The following MAGI1 variants were observed in gnomAD, a reference collection of about 807,000 sequenced individuals.
MAGI1 encodes the protein membrane associated guanylate kinase, WW and PDZ domain containing 1.
A neutral mutation model predicts 139.9 loss-of-function variants in MAGI1; 58 were observed. The observed-to-expected ratio is 0.41, with a 90% CI of 0.34 to 0.52. MAGI1 has a LOEUF of 0.52. MAGI1 is among the 20% of genes least tolerant of loss of function. The probability of loss-of-function intolerance (pLI) is 0.12; values close to 1 mark genes in which losing one functional copy is unlikely to be tolerated. For synonymous variants in MAGI1, 812 were observed against 737.9 expected (o/e 1.10, Z -1.63); for missense variants, 1,874 against 1,901.6 (o/e 0.99, Z 0.27).
chr3:65,820,166 A>AG (rs1175920503), intron 1 of MAGI1, among the ~76,000 whole-genome samples: 2 of 152,206 alleles, frequency 1.3e-5, no homozygotes, highest in African/African-American at 2.4e-5. Context: ...TTTCAAAGTG[A>AG]GAAAAAAAAA....
At chr3:65,723,384 T>TCC (rs1245519777) in intron 1 of MAGI1, among the ~76,000 whole-genome samples, 1 of 152,148 alleles carries the variant, frequency 6.6e-6, no homozygotes, top group African/African-American at 2.4e-5. Flanking sequence ...TGGAAGGTGT[T>TCC]AAGAGTTTCC....
At chr3:65,459,444 A>T (rs1000203690) in intron 5 of MAGI1, among the ~76,000 whole-genome samples, 1 of 152,206 alleles carries the variant, frequency 6.6e-6, no homozygotes, top group Non-Finnish European at 1.5e-5. Context: ...ACGGAATACA[A>T]CTGCTATTTA....
chr3:65,789,792 A>G (rs2039638961), intron 1 of MAGI1, among the ~76,000 whole-genome samples: 1 of 151,944 alleles, frequency 6.6e-6, no homozygotes, highest in South Asian at 2.1e-4. Context: ...GAAAAAAACA[A>G]AACAAAAACA....
At chr3:65,965,874 G>A (rs377129566) in intron 1 of MAGI1, among the ~76,000 whole-genome samples, 15 of 152,182 alleles carry the variant, frequency 9.9e-5, no homozygotes, top group Admixed American at 2.6e-4. Context: ...GGCTGGTCTC[G>A]AACTCTGACC....
intron 1 of MAGI1, among the ~76,000 whole-genome samples, chr3:65,945,316 C>T (rs1296335920): frequency 1.3e-5 from 2 of 152,128 alleles, no homozygotes; most frequent in South Asian, 4.1e-4. Flanking sequence ...TATTTCATCA[C>T]CCAGGTACTA....
At position 65,372,444 on chromosome 3, in the gene MAGI1, C is replaced by T. The variant is rs560411970; in HGVS notation, c.3196+3301G>A. Among the ~76,000 whole-genome samples the T allele has an allele frequency of 5.3e-5, 8 of 152,256 alleles. No individual in the cohort carries two copies. The East Asian group carries it at 9.7e-4, about 18-fold the overall frequency. ...TGTTGTTCCATTTCTAGAGCACAGG[C>T]AGAGTACATTTAGCATCATTCTGAA... is the stretch of plus-strand genomic sequence containing the variant. On this transcript the variant is annotated intron_variant, in intron 18 of 22. Coordinates refer to ENST00000402939, the MANE Select transcript of MAGI1 (RefSeq NM_001033057.2).
rs547406717 is a variant in MAGI1 at position 65,388,448 on chromosome 3, T to A, written c.2416+2694A>T. 2.6e-5 allele frequency among the ~76,000 whole-genome samples: 4 copies of A among 152,220 alleles called. No individual in the cohort carries two copies. The South Asian group carries it at 8.3e-4, about 32-fold the overall frequency. ...TGGGGGGAGGGGGCAGGGAATCACA[T>A]CTAACAAGGCTATACACTTTTTTCT... On this transcript the variant is annotated intron_variant, in intron 14 of 22. Transcript: ENST00000402939.
intron 1 of MAGI1, among the ~76,000 whole-genome samples, chr3:65,673,126 C>T (rs1454919026): frequency 6.6e-6 from 1 of 152,046 alleles, no homozygotes; most frequent in Non-Finnish European, 1.5e-5. Flanking sequence ...TTTTTGTTCA[C>T]CTAAATTAAG....
intron 1 of MAGI1, among the ~76,000 whole-genome samples, chr3:65,817,244 T>C (rs1384817104): frequency 3.9e-5 from 6 of 152,188 alleles, no homozygotes; most frequent in African/African-American, 1.2e-4. Flanking sequence ...TTTTTAAAGG[T>C]CTCAGATTAT....
At chr3:65,617,419 T>C (rs2083435910) in intron 2 of MAGI1, among the ~76,000 whole-genome samples, 1 of 152,166 alleles carries the variant, frequency 6.6e-6, no homozygotes, top group East Asian at 1.9e-4. Flanking sequence ...CCCTGTCAGG[T>C]AATGCATTTA....
intron 1 of MAGI1, among the ~76,000 whole-genome samples, chr3:65,656,629 C>A (rs988166321): frequency 1.3e-5 from 2 of 151,994 alleles, no homozygotes; most frequent in South Asian, 4.1e-4. Flanking sequence ...TGAAGAAAGG[C>A]CACCTAACAA....
intron 1 of MAGI1, among the ~76,000 whole-genome samples, chr3:65,941,143 C>G (rs1178912389): frequency 1.3e-5 from 2 of 151,982 alleles, no homozygotes; most frequent in African/African-American, 2.4e-5. Flanking sequence ...GTCAGGAGTT[C>G]GAGACCAGCC....
At chr3:65,915,161 T>C (rs2061841714) in intron 1 of MAGI1, among the ~76,000 whole-genome samples, 1 of 152,218 alleles carries the variant, frequency 6.6e-6, no homozygotes, top group Admixed American at 6.5e-5. Context: ...ACTTAGCCTC[T>C]TGCCACACAG....
intron 1 of MAGI1, among the ~76,000 whole-genome samples, chr3:66,027,130 T>C (rs2068316775): frequency 6.6e-6 from 1 of 151,662 alleles, no homozygotes; most frequent in Non-Finnish European, 1.5e-5. Context: ...TAGCCAGGCG[T>C]GGTGGCGGGT....
intron 1 of MAGI1, among the ~76,000 whole-genome samples, chr3:65,961,072 A>C (rs1051582169): frequency 3.3e-5 from 5 of 152,242 alleles, no homozygotes; most frequent in African/African-American, 1.2e-4. Flanking sequence ...CTAACATGAA[A>C]TCCCGGAATA....
intron 1 of MAGI1, among the ~76,000 whole-genome samples, chr3:65,683,642 C>T (rs1252094960): frequency 1.5e-5 from 2 of 133,444 alleles, no homozygotes; most frequent in Non-Finnish European, 3.2e-5. Flanking sequence ...CCTGAAAAGA[C>T]ATCTGACTGA....
At chr3:65,544,428 T>A (rs988246999) in intron 2 of MAGI1, among the ~76,000 whole-genome samples, 2 of 152,134 alleles carry the variant, frequency 1.3e-5, no homozygotes, top group Admixed American at 1.3e-4. Flanking sequence ...GATTTGTGCA[T>A]GTGTTGGGTA....
intron 1 of MAGI1, among the ~76,000 whole-genome samples, chr3:65,801,193 T>C (rs930945485): frequency 3.9e-5 from 6 of 152,102 alleles, no homozygotes; most frequent in Non-Finnish European, 7.4e-5. Flanking sequence ...AAAAATAAAA[T>C]AGGAAGTCAA....
intron 2 of MAGI1, among the ~76,000 whole-genome samples, chr3:65,579,110 C>T (rs1216078970): frequency 1.3e-5 from 2 of 152,158 alleles, no homozygotes; most frequent in East Asian, 1.9e-4. Context: ...TACACATATC[C>T]ATTGTGTATG....
Sources: allele counts gnomAD v4.1 joint callset (sites outside exome capture counted in the v4.1 genomes callset), GRCh38; gene constraint gnomAD v4.1.1; transcripts MANE v1.5; gene names NCBI Gene and HGNC (gene_info 2026-07-23, HGNC 2026-07-21).